SCN3B: variants seen among roughly 807,000 people sequenced by gnomAD.
SCN3B encodes sodium voltage-gated channel beta subunit 3.
Under a neutral mutation model 25.4 loss-of-function variants are expected in SCN3B, and 11 were observed. The ratio of observed to expected loss-of-function variants is 0.43; its 90% CI spans 0.27 to 0.72. The LOEUF (loss-of-function observed/expected upper bound fraction) is 0.72, where lower values mean the gene tolerates loss of function less well. Among genes scored for constraint, SCN3B ranks in the 30% least tolerant of loss-of-function variants. The probability of loss-of-function intolerance (pLI) is 0.18; values close to 1 mark genes in which losing one functional copy is unlikely to be tolerated. For synonymous variants in SCN3B, 109 were observed against 110.7 expected, an observed-to-expected ratio of 0.99 and a Z score of 0.09; for missense variants, 218 against 278.3, an observed-to-expected ratio of 0.78 and a Z score of 1.54.
chr11:123,633,095 A>G lies in SCN3B; in HGVS notation c.*704T>C, dbSNP rs1955690510. 6.6e-6 allele frequency: 1 copy of G among 152,232 alleles called. No homozygotes were observed. The highest frequency in any genetic ancestry group is 1.5e-5 in the Non-Finnish European group (1 of 68,044). 9.4% of individuals were successfully genotyped at this position (152,232 alleles called of 1,614,324 possible). On this transcript the variant is annotated 3_prime_UTR_variant, in exon 7 of 7. Coordinates refer to ENST00000299333, the MANE Select transcript of SCN3B (RefSeq NM_001040151.2). ...CAGAAACATGTTGCATGACTTTTTA[A>G]GAGCCACTTAAATTACCATTGGTCC...
chr11:123,639,276 A>T (rs1289793488), intron 4 of SCN3B: 1 of 152,240 alleles, frequency 6.6e-6, no homozygotes, highest in African/African-American at 2.4e-5. Flanking sequence ...CCTGCTTTGC[A>T]GTCTCGCAGT....
Position 123,654,353 on chromosome 11 carries a change from G to C in SCN3B, c.-153C>G, listed in dbSNP as rs1955967853. Reference sequence around the variant, plus strand: ...ACTCCCGAAGCCGCCGGGGCCGCCCGTCTGGGCTACAGAATGCGTTCCACG... The same window carrying C: ...ACTCCCGAAGCCGCCGGGGCCGCCCCTCTGGGCTACAGAATGCGTTCCACG... On this transcript the variant is annotated 5_prime_UTR_variant, in exon 1 of 7. Transcript: ENST00000299333. 1.2e-5 allele frequency: 2 copies of C among 165,160 alleles called. No homozygotes were observed. The highest frequency in any genetic ancestry group is 1.7e-4 in the East Asian group (1 of 6,024). The allele number at this position is 165,160 out of a possible 1,614,324, so 10.2% of individuals were successfully genotyped here. A position where few individuals can be genotyped will look rare whatever the true frequency, so the allele number is the denominator to read the frequency against.
Position 123,645,609 on chromosome 11 carries a change from G to A in SCN3B, c.197C>T (p.Pro66Leu), listed in dbSNP as rs112044922. The change falls in exon 3 of 7, where the codon CCC (proline) becomes CTC (leucine). Residue 66 changes from proline to leucine, a missense_variant. By Grantham distance (98) the Pro-to-Leu change is moderately conservative. Coordinates refer to ENST00000299333, the MANE Select transcript of SCN3B (RefSeq NM_001040151.2). Reference protein sequence around the residue: ...ATTVVEWFYRPEGGKDFLIYE... With the variant: ...ATTVVEWFYRLEGGKDFLIYE... ...TACAAGGAAATCTTTACCGCCCTCG[G>A]GCCTGTAGAACCATTCCACCACCGT... 2 of 1,614,118 alleles carry A rather than the reference G, an allele frequency of 1.2e-6. No homozygotes were observed. The highest frequency in any genetic ancestry group is 3.3e-5 in the Admixed American group (2 of 60,016).
At chr11:123,651,845 C>T (rs1955928800) in intron 2 of SCN3B, among the ~76,000 whole-genome samples, 2 of 152,158 alleles carry the variant, frequency 1.3e-5, no homozygotes, top group South Asian at 4.1e-4. Context: ...GGGATGGGCA[C>T]TCTGTCAATT....
At position 123,634,081 on chromosome 11, in the gene SCN3B, A is replaced by G. The variant is rs72552151; in HGVS notation, c.*22+40T>C. The G allele has an allele frequency of 2.1e-3, 3,211 of 1,505,184 alleles. 6 individuals carry two copies. Among genetic ancestry groups the G allele is most frequent in the Non-Finnish European group, 2.5e-3 (2,718 of 1,082,236 alleles). The allele number at this position is 1,505,184 out of a possible 1,614,324, so 93.2% of individuals were successfully genotyped here. ...AACAAAGTCACTTGTACAACCTGCC[A>G]TCCACATCTGCCTTCCCCTCCCATG... On this transcript the variant is annotated intron_variant, in intron 6 of 6. Transcript: ENST00000299333.
At chr11:123,645,796 G>A in intron 2 of SCN3B, 46 bp from the exon 3 acceptor site, 2 of 1,600,792 alleles carry the variant, frequency 1.2e-6, no homozygotes, top group Non-Finnish European at 8.6e-7. Context: ...AGGTGGTGGG[G>A]GAGGGGCACA....
intron 2 of SCN3B, among the ~76,000 whole-genome samples, chr11:123,651,199 T>A (rs1955921933): frequency 6.6e-6 from 1 of 152,010 alleles, no homozygotes; most frequent in African/African-American, 2.4e-5. Context: ...TAAGGAAACT[T>A]TTTTTCATGC....
intron 2 of SCN3B, among the ~76,000 whole-genome samples, chr11:123,649,752 G>A (rs1383068926): frequency 6.7e-6 from 1 of 149,284 alleles, no homozygotes; most frequent in Non-Finnish European, 1.5e-5. Context: ...CACCCAGGCT[G>A]GAGTACAATG....
At chr11:123,645,350 C>G (rs1955842379) in intron 3 of SCN3B, among the ~76,000 whole-genome samples, 1 of 152,170 alleles carries the variant, frequency 6.6e-6, no homozygotes, top group East Asian at 1.9e-4. Context: ...TATAGCATAT[C>G]TCTTTCCTCT....
intron 1 of SCN3B, 190 bp downstream of exon 1, chr11:123,654,036 G>T: frequency 3.4e-6 from 2 of 582,888 alleles, no homozygotes; most frequent in South Asian, 2.0e-5. Context: ...CGAGGGAGCC[G>T]ATCAGCCGCT....
chr11:123,653,151 CA>C (rs3884445), intron 2 of SCN3B, among the ~76,000 whole-genome samples: 101 of 144,250 alleles, frequency 7.0e-4, no homozygotes, highest in Middle Eastern at 3.6e-3. Context: ...ACAAACAAAC[CA>C]AAAAAAAAAG....
rs369185462 is a variant in SCN3B, at chr11:123,634,106, G to A, written c.*22+15C>T. 6.3e-6 allele frequency: 10 copies of A among 1,596,280 alleles called. No homozygotes were observed. In the African/African-American group the frequency reaches 1.2e-4, roughly 19 times the overall value. ...ATCCACATCTGCCTTCCCCTCCCAT[G>A]TTCCTGTAGGTCACCTCATGTCACA... is the stretch of plus-strand genomic sequence containing the variant. On this transcript the variant is annotated intron_variant, in intron 6 of 6. Transcript: ENST00000299333.
At chr11:123,636,217 G>A (rs1955723342) in intron 5 of SCN3B, among the ~76,000 whole-genome samples, 1 of 152,028 alleles carries the variant, frequency 6.6e-6, no homozygotes, top group African/African-American at 2.4e-5. Flanking sequence ...ATTTAAATTT[G>A]TTACTAAATT....
At chr11:123,640,264 C>T (rs1260514262) in intron 4 of SCN3B, 1 of 152,212 alleles carries the variant, frequency 6.6e-6, no homozygotes, top group African/African-American at 2.4e-5. Context: ...AATGCAGTAG[C>T]CCACAAATGG....
rs1252949897 is a variant in SCN3B, at chr11:123,629,247, A to C, written c.*4552T>G. ...GAGTTTACTGAAAAACAGCACATAC[A>C]GGCATTACGTTGTTGAGGGCTTAGG... On this transcript the variant is annotated 3_prime_UTR_variant, in exon 7 of 7. Transcript: ENST00000299333. The C allele has an allele frequency of 6.6e-6, 1 of 152,222 alleles. No individual in the cohort carries two copies. The highest frequency in any genetic ancestry group is 1.5e-5 in the Non-Finnish European group (1 of 68,040). 9.4% of individuals were successfully genotyped at this position (152,222 alleles called of 1,614,324 possible). A position where few individuals can be genotyped will look rare whatever the true frequency, so the allele number is the denominator to read the frequency against.
rs760034688 is a variant in SCN3B, at chr11:123,638,253, G to A, written c.517C>T (p.Leu173=). ...YILLVFLTLW[L]LIEMIYCYRK... ...TAGCAATATATCATCTCGATGAGCAGCCACAAGGTGAGGAAGACCAGAAGG... is the reference window on the plus strand; with the variant it reads ...TAGCAATATATCATCTCGATGAGCAACCACAAGGTGAGGAAGACCAGAAGG... Residue 173 remains leucine (L), a synonymous_variant, in exon 5 of 7, where the codon CTG becomes TTG. Coordinates refer to ENST00000299333, the MANE Select transcript of SCN3B (RefSeq NM_001040151.2). 4 of 1,614,160 alleles carry A rather than the reference G, an allele frequency of 2.5e-6. No homozygotes were observed. Among genetic ancestry groups the A allele is most frequent in the South Asian group, 1.1e-5 (1 of 91,078 alleles).
chr11:123,645,782 C>G (rs754798057), intron 2 of SCN3B, 32 bp from the exon 3 acceptor site: 28 of 1,612,608 alleles, frequency 1.7e-5, no homozygotes, highest in Non-Finnish European at 2.3e-5. Flanking sequence ...AGGGAAGGAA[C>G]AGCAGGTGGT....
intron 5 of SCN3B, among the ~76,000 whole-genome samples, chr11:123,636,672 C>A (rs2137233840): frequency 6.7e-6 from 1 of 149,766 alleles, no homozygotes; most frequent in South Asian, 2.2e-4. Flanking sequence ...TGAACACTGT[C>A]TCTCCTCCAT....
intron 3 of SCN3B, among the ~76,000 whole-genome samples, chr11:123,645,116 C>T (rs1287604317): frequency 2.0e-5 from 3 of 152,032 alleles, no homozygotes; most frequent in African/African-American, 7.2e-5. Context: ...CTGGGTGTCC[C>T]GGGTGAATGT....
Sources: gnomAD v4.1 joint callset for allele counts (sites outside exome capture counted in the v4.1 genomes callset) on GRCh38, gnomAD v4.1.1 for gene constraint, MANE v1.5 for transcripts, NCBI Gene and HGNC (gene_info 2026-07-23, HGNC 2026-07-21) for gene names.